ESRRB: variants seen among roughly 807,000 people sequenced by gnomAD.
The protein encoded by ESRRB is steroid hormone receptor ERR2.
Under a neutral mutation model 46.0 loss-of-function variants are expected in ESRRB, and 16 were observed. The ratio of observed to expected loss-of-function variants is 0.35; its 90% CI spans 0.24 to 0.53. The LOEUF is 0.53. Among genes scored for constraint, ESRRB ranks in the 20% least tolerant of loss-of-function variants. The pLI is 0.93. For synonymous variants in ESRRB, 246 were observed against 259.6 expected (o/e 0.95, Z 0.50); for missense variants, 488 against 607.4 (o/e 0.80, Z 2.07).
chr14:76,396,580 A>G, intron 1 of ESRRB, among the ~76,000 whole-genome samples: 1 of 152,224 alleles, frequency 6.6e-6, no homozygotes, highest in East Asian at 1.9e-4. Context: ...AAAAACATTG[A>G]AATACAAAGG....
At chr14:76,398,976 T>C (rs902891766) in intron 1 of ESRRB, among the ~76,000 whole-genome samples, 3 of 152,102 alleles carry the variant, frequency 2.0e-5, no homozygotes, top group African/African-American at 7.3e-5. Flanking sequence ...ATAGGTGGGT[T>C]AGGGGTTTTT....
At chr14:76,491,786 G>C in intron 6 of ESRRB, 70 bp downstream of exon 6, 1 of 1,471,288 alleles carries the variant, frequency 6.8e-7, no homozygotes, top group Non-Finnish European at 9.1e-7. Flanking sequence ...GCCCATCCCT[G>C]GGGCCTGTGG....
intron 2 of ESRRB, among the ~76,000 whole-genome samples, chr14:76,447,243 CTCCTTCCT>C (rs11272399): frequency 0.13 from 16,982 of 132,984 alleles, 1,151 homozygotes; most frequent in Non-Finnish European, 0.13. Context: ...TTTCTAAAGT[CTCCTTCCT>C]TCCTTCCTTC....
At chr14:76,362,609 G>A (rs1884477301) in intron 1 of ESRRB, among the ~76,000 whole-genome samples, 2 of 152,198 alleles carry the variant, frequency 1.3e-5, no homozygotes, top group Admixed American at 1.3e-4. Context: ...CTCCAGAAGG[G>A]TTGTTATTCT....
intron 1 of ESRRB, among the ~76,000 whole-genome samples, chr14:76,425,525 C>G (rs941662864): frequency 2.6e-5 from 4 of 151,886 alleles, no homozygotes; most frequent in African/African-American, 9.7e-5. Flanking sequence ...CACCTCCTTC[C>G]TCCCCCTCCT....
intron 1 of ESRRB, among the ~76,000 whole-genome samples, chr14:76,355,750 C>G (rs1380645608): frequency 6.6e-6 from 1 of 152,152 alleles, no homozygotes; most frequent in Admixed American, 6.5e-5. Context: ...TACATCAGAG[C>G]ACCCAGCACA....
chr14:76,341,871 A>C (rs1157190134), intron 1 of ESRRB, among the ~76,000 whole-genome samples: 1 of 152,224 alleles, frequency 6.6e-6, no homozygotes. Context: ...AGCTTTGGCA[A>C]ATTCATGCTT....
intron 1 of ESRRB, among the ~76,000 whole-genome samples, chr14:76,379,360 C>T (rs115994583): frequency 0.022 from 3,354 of 152,018 alleles, 129 homozygotes; most frequent in African/African-American, 0.077. Context: ...TCTTCCCCAC[C>T]GTCCGATGAC....
Position 76,422,253 on chromosome 14 carries a change from C to T in ESRRB, c.51-17088C>T, listed in dbSNP as rs559491053. ...TTGAGATGGAGTCTCACTCTGTTGC[C>T]AGGCTGGAGTACAGTGGCGCAATCT... On this transcript the variant is annotated intron_variant, in intron 1 of 6. Coordinates refer to ENST00000644823, the MANE Select transcript of ESRRB (RefSeq NM_001379180.1). 2.8e-5 allele frequency among the ~76,000 whole-genome samples: 4 copies of T among 144,116 alleles called. No individual in the cohort carries two copies. The East Asian group carries it at 6.3e-4, about 23-fold the overall frequency. 94.5% of individuals were successfully genotyped at this position (144,116 alleles called of 152,430 possible). A position where few individuals can be genotyped will look rare whatever the true frequency, so the allele number is the denominator to read the frequency against.
At chr14:76,465,568 G>A (rs1889070907) in intron 3 of ESRRB, among the ~76,000 whole-genome samples, 3 of 152,154 alleles carry the variant, frequency 2.0e-5, no homozygotes. Flanking sequence ...GGGAGGACAG[G>A]GGCATGAGAC....
chr14:76,388,175 CTTTTTTTTTTTT>C (rs35368784), intron 1 of ESRRB, among the ~76,000 whole-genome samples: 1 of 118,260 alleles, frequency 8.5e-6, no homozygotes, highest in Non-Finnish European at 1.7e-5. Flanking sequence ...TTCTTTCATT[CTTTTTTTTTTTT>C]TTTTTTTTTG....
chr14:76,475,522 A>G (rs1305213557), intron 3 of ESRRB, among the ~76,000 whole-genome samples: 1 of 152,224 alleles, frequency 6.6e-6, no homozygotes, highest in Admixed American at 6.5e-5. Context: ...ACTAAGTAAC[A>G]TTTCATGTAT....
chr14:76,411,439 C>T (rs1886437277), intron 1 of ESRRB, among the ~76,000 whole-genome samples: 1 of 149,996 alleles, frequency 6.7e-6, no homozygotes, highest in Non-Finnish European at 1.5e-5. Context: ...CAAAGCAAGA[C>T]TCCATCTTCC....
chr14:76,412,601 C>G (rs1886491098), intron 1 of ESRRB, among the ~76,000 whole-genome samples: 1 of 152,152 alleles, frequency 6.6e-6, no homozygotes, highest in South Asian at 2.1e-4. Flanking sequence ...CCATCCTCCC[C>G]CAACAAAGAA....
At chr14:76,362,745 A>G (rs949872326) in intron 1 of ESRRB, among the ~76,000 whole-genome samples, 2 of 152,114 alleles carry the variant, frequency 1.3e-5, no homozygotes, top group Admixed American at 6.5e-5. Flanking sequence ...GAGTGCCACA[A>G]AGATGTTTCC....
At position 76,321,138 on chromosome 14, in the gene ESRRB, G is replaced by A. The variant is rs149385736; in HGVS notation, c.2+10222G>A. ...TAACTTATTTCTTACATATTCTCCC[G>A]TAAGTCCTTAACTCTATTGGTCTCT... On this transcript the variant is annotated intron_variant, in intron 1 of 6. Coordinates refer to the ESRRB transcript ENST00000512784. Among the ~76,000 whole-genome samples the A allele has an allele frequency of 8.0e-4, 122 of 152,084 alleles. 1 individual carries two copies. The highest frequency in any genetic ancestry group is 2.2e-3 in the African/African-American group (93 of 41,464).
chr14:76,369,447 T>C (rs1884568104), upstream of ESRRB, among the ~76,000 whole-genome samples: 1 of 151,798 alleles, frequency 6.6e-6, no homozygotes, highest in Non-Finnish European at 1.5e-5. Flanking sequence ...CCAATTTTTG[T>C]ATTTTCTGTA....
chr14:76,360,476 G>T (rs1309839215), intron 1 of ESRRB, among the ~76,000 whole-genome samples: 3 of 152,118 alleles, frequency 2.0e-5, no homozygotes, highest in Non-Finnish European at 4.4e-5. Flanking sequence ...GCTGTAGCAG[G>T]CTAGAACCCA....
At chr14:76,357,751 G>T (rs1884400189) in intron 1 of ESRRB, among the ~76,000 whole-genome samples, 1 of 152,142 alleles carries the variant, frequency 6.6e-6, no homozygotes, top group African/African-American at 2.4e-5. Flanking sequence ...CCTGGTCTCA[G>T]GTGATCCTCT....
Sources: allele counts gnomAD v4.1 joint callset (sites outside exome capture counted in the v4.1 genomes callset), GRCh38; gene constraint gnomAD v4.1.1; transcripts MANE v1.5; gene names NCBI Gene and HGNC (gene_info 2026-07-23, HGNC 2026-07-21).